Variants in SLAMF6 observed in about 807,000 individuals in gnomAD.
SLAMF6 encodes the protein NK-T-B-antigen.
SLAMF6 carries 21 observed loss-of-function variants against 38.3 expected under a neutral mutation model. That is an observed-to-expected ratio of 0.55 (90% CI 0.39 to 0.79). SLAMF6 has a LOEUF of 0.79. Ranked by LOEUF, SLAMF6 falls within the 30% of genes least tolerant of loss-of-function variation. SLAMF6 has a pLI of 0.00. For synonymous variants in SLAMF6, 152 were observed against 146.3 expected (o/e 1.04, Z -0.28); for missense variants, 341 against 385.3 (o/e 0.89, Z 0.96).
intron 1 of SLAMF6, among the ~76,000 whole-genome samples, chr1:160,514,045 G>C (rs1654624408): frequency 6.6e-6 from 1 of 152,098 alleles, no homozygotes; most frequent in Non-Finnish European, 1.5e-5. Context: ...AATGTGCTAA[G>C]TGCCCCATTT....
intron 1 of SLAMF6, among the ~76,000 whole-genome samples, chr1:160,509,711 C>A (rs963020790): frequency 6.6e-6 from 1 of 151,724 alleles, no homozygotes; most frequent in Non-Finnish European, 1.5e-5. Flanking sequence ...GAAGAGCAAA[C>A]TAAACCCAAA....
chr1:160,522,952 AC>A (rs1470519267), intron 1 of SLAMF6, among the ~76,000 whole-genome samples, 191 bp downstream of exon 1: 3 of 152,184 alleles, frequency 2.0e-5, no homozygotes, highest in Non-Finnish European at 1.5e-5. Flanking sequence ...TTCACCGACA[AC>A]CATCTCAGGC....
intron 1 of SLAMF6, among the ~76,000 whole-genome samples, chr1:160,505,148 T>C (rs1321206522): frequency 4.6e-5 from 7 of 152,112 alleles, no homozygotes; most frequent in Admixed American, 1.3e-4. Context: ...AAATAATATG[T>C]TTACAAAAAT....
intron 6 of SLAMF6, 98 bp from the exon 7 acceptor site, chr1:160,487,273 T>C (rs1571276911): frequency 2.7e-6 from 3 of 1,091,934 alleles, no homozygotes; most frequent in Non-Finnish European, 4.0e-6. Context: ...AAAGAGAATA[T>C]GTCAAAGTTC....
intron 1 of SLAMF6, among the ~76,000 whole-genome samples, chr1:160,517,999 C>G (rs951965758): frequency 9.9e-5 from 15 of 151,890 alleles, no homozygotes; most frequent in African/African-American, 3.4e-4. Context: ...GCACATGTAC[C>G]CAGAACTAAA....
rs549343337 is a variant in SLAMF6 at position 160,503,387 on chromosome 1, G to A, written c.50-6994C>T. On this transcript the variant is annotated intron_variant, in intron 1 of 7. Transcript: ENST00000368057. ...CATCCAGTTTTGCATTGGCTGGTGC[G>A]AAAGTGATTGCGGATTTTGCCATTA... Among the ~76,000 whole-genome samples the A allele has an allele frequency of 2.6e-4, 40 of 152,042 alleles. 1 individual carries two copies. In the South Asian group the frequency reaches 7.7e-3, roughly 29 times the overall value.
rs1407467856 is a variant in SLAMF6, at chr1:160,490,607, A to T, written c.725T>A (p.Ile242Lys). 6.2e-7 allele frequency: 1 copy of T among 1,613,824 alleles called. No individual in the cohort carries two copies. The highest frequency in any genetic ancestry group is 8.5e-7 in the Non-Finnish European group (1 of 1,179,912). Reference protein sequence around the residue: ...SGICIVFGFIILLLLVLRKRR... With the variant: ...SGICIVFGFIKLLLLVLRKRR... ...TTTCCTCAAAACAAGTAACAGCAGT[A>T]TGATGAAACCGAAGACTATGCATAT... The change falls in exon 4 of 8, where the codon ATA (isoleucine) becomes AAA (lysine). Residue 242 changes from isoleucine (I) to lysine (K), a missense_variant. Physicochemically the swap from Ile to Lys is moderately radical, Grantham distance 102 (BLOSUM62 -3). Transcript: ENST00000368057.
chr1:160,507,252 T>C (rs1307740046), intron 1 of SLAMF6, among the ~76,000 whole-genome samples: 1 of 152,132 alleles, frequency 6.6e-6, no homozygotes, highest in Non-Finnish European at 1.5e-5. Flanking sequence ...ATACTAATAT[T>C]GGCAAATAGA....
At position 160,511,912 on chromosome 1, in the gene SLAMF6, G is replaced by A. The variant is rs550498054; in HGVS notation, c.49+11232C>T. Reference sequence around the variant, plus strand: ...CACCTGGAAGCTGATGGGGCAAGGGGTGCTCCCACCCCCAGCCAAGGGAAG... The same window carrying A: ...CACCTGGAAGCTGATGGGGCAAGGGATGCTCCCACCCCCAGCCAAGGGAAG... On this transcript the variant is annotated intron_variant, in intron 1 of 7. Transcript: ENST00000368057. Among the ~76,000 whole-genome samples, 10 of 152,278 alleles carry A rather than the reference G, an allele frequency of 6.6e-5. No individual in the cohort carries two copies. In the South Asian group the frequency reaches 2.1e-3, roughly 32 times the overall value.
chr1:160,489,417 C>T (rs570031046), intron 5 of SLAMF6, among the ~76,000 whole-genome samples: 50 of 152,288 alleles, frequency 3.3e-4, no homozygotes, highest in South Asian at 2.9e-3. Flanking sequence ...GCTTCAGAGT[C>T]TCCCTCAGGC....
chr1:160,491,137 T>G lies in SLAMF6; in HGVS notation c.634A>C (p.Lys212Gln), dbSNP rs1325776715. The change falls in exon 3 of 8, where the codon AAG (lysine) becomes CAG (glutamine). Residue 212 changes from lysine (K) to glutamine (Q), a missense_variant. Physicochemically the swap from Lys to Gln is moderately conservative, Grantham distance 53 (BLOSUM62 1). Transcript: ENST00000368057. ...GGCAGGCTGTTACCTTCGCAAAGCT[T>G]CTGGGCAGAGACAGAGAAGGATAAA... ...SNLSFSVSAQ[K>Q]LCEDVKIQYT... is the part of the protein sequence containing the mutation. The G allele has an allele frequency of 6.2e-7, 1 of 1,613,738 alleles. No homozygotes were observed. The highest frequency in any genetic ancestry group is 1.7e-5 in the Admixed American group (1 of 60,000).
intron 1 of SLAMF6, among the ~76,000 whole-genome samples, chr1:160,520,014 G>A (rs886663467): frequency 2.0e-5 from 3 of 152,124 alleles, no homozygotes; most frequent in Non-Finnish European, 4.4e-5. Context: ...AAAAACAGAG[G>A]CATGAACACC....
At chr1:160,513,375 G>T (rs370786107) in intron 1 of SLAMF6, among the ~76,000 whole-genome samples, 1 of 152,114 alleles carries the variant, frequency 6.6e-6, no homozygotes, top group East Asian at 1.9e-4. Flanking sequence ...TAAAGAGACC[G>T]AACCTACAAC....
intron 1 of SLAMF6, among the ~76,000 whole-genome samples, chr1:160,506,204 A>G (rs1053185310): frequency 2.6e-5 from 4 of 152,228 alleles, no homozygotes; most frequent in Non-Finnish European, 5.9e-5. Context: ...AAAGAGATCC[A>G]TAACAAGACA....
intron 6 of SLAMF6, among the ~76,000 whole-genome samples, chr1:160,488,662 C>T (rs756052259): frequency 2.6e-5 from 4 of 152,104 alleles, no homozygotes; most frequent in Non-Finnish European, 5.9e-5. Flanking sequence ...CCCTAAGACC[C>T]CTACATGCAG....
rs145777673 is a variant in SLAMF6, at chr1:160,513,813, G to A, written c.49+9331C>T. Among the ~76,000 whole-genome samples the A allele has an allele frequency of 7.9e-5, 12 of 152,282 alleles. No homozygotes were observed. In the East Asian group the frequency reaches 2.1e-3, roughly 27 times the overall value. On this transcript the variant is annotated intron_variant, in intron 1 of 7. Transcript: ENST00000368057. Reference sequence around the variant, plus strand: ...AATATTTTTCAGACAATCAAATGCTGAGGGAATTCATCCACCACCAGGCTT... The same window carrying A: ...AATATTTTTCAGACAATCAAATGCTAAGGGAATTCATCCACCACCAGGCTT...
At chr1:160,499,837 G>A (rs1174968275) in intron 1 of SLAMF6, among the ~76,000 whole-genome samples, 1 of 152,166 alleles carries the variant, frequency 6.6e-6, no homozygotes, top group Non-Finnish European at 1.5e-5. Flanking sequence ...ATGGGTTCCA[G>A]GCACATGAAC....
At chr1:160,486,957 A>G in intron 7 of SLAMF6, 147 bp downstream of exon 7, 1 of 915,850 alleles carries the variant, frequency 1.1e-6, no homozygotes. Flanking sequence ...CTTCTTGATT[A>G]TGTTTTGGTG....
chr1:160,489,936 A>G (rs1285459914), intron 5 of SLAMF6, among the ~76,000 whole-genome samples: 3 of 152,100 alleles, frequency 2.0e-5, no homozygotes, highest in South Asian at 4.1e-4. Context: ...TTTCACTGGG[A>G]CTTAGTTTCT....
Sources: gnomAD v4.1 joint callset for allele counts (sites outside exome capture counted in the v4.1 genomes callset) on GRCh38, gnomAD v4.1.1 for gene constraint, MANE v1.5 for transcripts, NCBI Gene and HGNC (gene_info 2026-07-23, HGNC 2026-07-21) for gene names.